PPM1E: variants seen among roughly 807,000 people sequenced by gnomAD.
PPM1E encodes the protein protein phosphatase, Mg2+/Mn2+ dependent 1E, also known as protein phosphatase 1E.
In PPM1E, 20 loss-of-function variants were observed where a neutral mutation model predicts 65.9. The ratio of observed to expected loss-of-function variants is 0.30; its 90% CI spans 0.21 to 0.44. PPM1E has a LOEUF of 0.44. PPM1E is among the 20% of genes least tolerant of loss of function. The probability of loss-of-function intolerance (pLI) is 1.00; values close to 1 mark genes in which losing one functional copy is unlikely to be tolerated. For synonymous variants in PPM1E, 352 were observed against 374.9 expected (o/e 0.94, Z 0.70); for missense variants, 713 against 953.1 (o/e 0.75, Z 3.32).
intron 1 of PPM1E, among the ~76,000 whole-genome samples, chr17:58,799,694 T>A (rs1380453895): frequency 6.6e-6 from 1 of 152,232 alleles, no homozygotes; most frequent in East Asian, 1.9e-4. Context: ...TCTACCCGCC[T>A]CAGCCTCCCA....
intron 2 of PPM1E, among the ~76,000 whole-genome samples, chr17:58,965,229 G>A (rs765994383): frequency 2.0e-5 from 3 of 152,026 alleles, no homozygotes; most frequent in Admixed American, 6.6e-5. Flanking sequence ...GGCTGTTTTC[G>A]TAGGCCTTCC....
chr17:58,825,377 C>T (rs887065499), intron 1 of PPM1E, among the ~76,000 whole-genome samples: 4 of 151,836 alleles, frequency 2.6e-5, no homozygotes, highest in African/African-American at 9.7e-5. Context: ...TGAGACCAGC[C>T]TCGGCAATAT....
chr17:58,779,160 G>C (rs916886917), intron 1 of PPM1E, among the ~76,000 whole-genome samples: 1 of 150,584 alleles, frequency 6.6e-6, no homozygotes, highest in Non-Finnish European at 1.5e-5. Flanking sequence ...ACAGTATTAA[G>C]GGTAATGAAT....
intron 1 of PPM1E, among the ~76,000 whole-genome samples, chr17:58,911,609 T>C (rs746410121): frequency 5.3e-5 from 8 of 152,142 alleles, no homozygotes; most frequent in African/African-American, 1.4e-4. Context: ...ATTTCTTTGG[T>C]TTATTGTTCT....
chr17:58,859,716 G>C (rs1355891670), intron 1 of PPM1E, among the ~76,000 whole-genome samples: 1 of 152,190 alleles, frequency 6.6e-6, no homozygotes, highest in Non-Finnish European at 1.5e-5. Context: ...AAATGCCAAA[G>C]TAGCAGTAAG....
intron 1 of PPM1E, among the ~76,000 whole-genome samples, chr17:58,867,140 C>G (rs1262278293): frequency 6.6e-6 from 1 of 152,120 alleles, no homozygotes; most frequent in East Asian, 1.9e-4. Flanking sequence ...GCCGCCACAC[C>G]CAGCTAATGT....
chr17:58,789,573 C>T (rs1238912749), intron 1 of PPM1E, among the ~76,000 whole-genome samples: 1 of 152,124 alleles, frequency 6.6e-6, no homozygotes, highest in Non-Finnish European at 1.5e-5. Context: ...TCTGACTTAA[C>T]ATAGGATGTA....
At chr17:58,762,257 G>GA (rs2049828819) in intron 1 of PPM1E, among the ~76,000 whole-genome samples, 1 of 152,116 alleles carries the variant, frequency 6.6e-6, no homozygotes, top group Non-Finnish European at 1.5e-5. Context: ...CCAACACTTT[G>GA]GGAGGCTGAG....
intron 1 of PPM1E, among the ~76,000 whole-genome samples, chr17:58,929,841 A>G (rs2041612093): frequency 6.6e-6 from 1 of 152,168 alleles, no homozygotes; most frequent in Non-Finnish European, 1.5e-5. Context: ...TAGAGATACA[A>G]CTGGGTTTCT....
intron 1 of PPM1E, among the ~76,000 whole-genome samples, chr17:58,949,650 T>A (rs1019665079): frequency 2.0e-5 from 3 of 152,174 alleles, no homozygotes; most frequent in African/African-American, 7.2e-5. Context: ...TCTGTAGTGA[T>A]AAGATTATTT....
intron 1 of PPM1E, among the ~76,000 whole-genome samples, chr17:58,913,386 A>C (rs1017773662): frequency 6.6e-6 from 1 of 151,668 alleles, no homozygotes. Context: ...AGCAGACTTA[A>C]AAAAAAAACT....
chr17:58,966,544 G>A (rs966735335), intron 3 of PPM1E: 3 of 169,322 alleles, frequency 1.8e-5, no homozygotes, highest in Admixed American at 1.3e-4. Context: ...GACTGACGCA[G>A]TTTATTTCAT....
At chr17:58,908,926 A>G (rs554717160) in intron 1 of PPM1E, among the ~76,000 whole-genome samples, 54 of 152,336 alleles carry the variant, frequency 3.5e-4, no homozygotes, top group African/African-American at 1.2e-3. Flanking sequence ...ACCTATATAT[A>G]AACATATTCT....
At chr17:58,890,072 T>C (rs1253718806) in intron 1 of PPM1E, among the ~76,000 whole-genome samples, 1 of 152,212 alleles carries the variant, frequency 6.6e-6, no homozygotes, top group East Asian at 1.9e-4. Flanking sequence ...AATCAGTGAA[T>C]ATAGAAGCAT....
chr17:58,869,930 T>G (rs1398614184), intron 1 of PPM1E, among the ~76,000 whole-genome samples: 1 of 152,238 alleles, frequency 6.6e-6, no homozygotes, highest in Non-Finnish European at 1.5e-5. Flanking sequence ...AGTCAGAGAA[T>G]CTGGGATTGA....
intron 1 of PPM1E, among the ~76,000 whole-genome samples, chr17:58,772,810 G>A (rs1164823119): frequency 6.6e-6 from 1 of 152,044 alleles, no homozygotes; most frequent in African/African-American, 2.4e-5. Flanking sequence ...TATTTCTAGG[G>A]AGATACTGGA....
chr17:58,874,398 C>A (rs1187661292), intron 1 of PPM1E, among the ~76,000 whole-genome samples: 1 of 152,086 alleles, frequency 6.6e-6, no homozygotes, highest in Non-Finnish European at 1.5e-5. Context: ...TCTCTCACTA[C>A]TGAAGAACAA....
At chr17:58,959,472 G>A (rs1443380846) in intron 2 of PPM1E, among the ~76,000 whole-genome samples, 7 of 151,126 alleles carry the variant, frequency 4.6e-5, no homozygotes, top group South Asian at 4.2e-4. Flanking sequence ...GGTGGCGGGC[G>A]CCTGTAGTCC....
chr17:58,907,088 A>C (rs184654222), intron 1 of PPM1E, among the ~76,000 whole-genome samples: 213 of 152,052 alleles, frequency 1.4e-3, no homozygotes, highest in Admixed American at 5.2e-3. Flanking sequence ...TACACACACA[A>C]AAAAAAATTT....
Sources: gnomAD v4.1 joint callset for allele counts (sites outside exome capture counted in the v4.1 genomes callset) on GRCh38, gnomAD v4.1.1 for gene constraint, MANE v1.5 for transcripts, NCBI Gene and HGNC (gene_info 2026-07-23, HGNC 2026-07-21) for gene names.